The following WDFY4 variants were observed in gnomAD, a reference collection of about 807,000 sequenced individuals.
WDFY4 encodes the protein WDFY family member 4.
A neutral mutation model predicts 351.9 loss-of-function variants in WDFY4; 169 were observed. The ratio of observed to expected loss-of-function variants is 0.48; its 90% CI spans 0.42 to 0.55. The LOEUF is 0.55. Among genes scored for constraint, WDFY4 ranks in the 20% least tolerant of loss-of-function variants. The probability of loss-of-function intolerance (pLI) is 0.00; values close to 1 mark genes in which losing one functional copy is unlikely to be tolerated. For missense variants in WDFY4, 3,803 were observed against 3,935.6 expected (o/e 0.97, Z 0.90); for synonymous variants, 1,622 against 1,574.6 (o/e 1.03, Z -0.71).
rs2068652870 is a variant in WDFY4, at chr10:48,842,787, C to A, written c.6663+10078C>A. 3.3e-5 allele frequency among the ~76,000 whole-genome samples: 5 copies of A among 152,194 alleles called. No homozygotes were observed. In the South Asian group the frequency reaches 1.0e-3, roughly 32 times the overall value. On this transcript the variant is annotated intron_variant, in intron 39 of 61. Transcript: ENST00000325239. The stretch of plus-strand genomic sequence containing the variant: ...AATTATCAGTAGCTACAGTGACTTG[C>A]TTTGTCCATGGCTTGCTTGCCTATC...
chr10:48,979,107 G>A (rs551083824), intron 60 of WDFY4, among the ~76,000 whole-genome samples: 1 of 152,310 alleles, frequency 6.6e-6, no homozygotes, highest in African/African-American at 2.4e-5. Context: ...CTTCCTTCAA[G>A]ATAACACCTG....
chr10:48,919,730 T>A (rs2671700), intron 47 of WDFY4, among the ~76,000 whole-genome samples: 51,102 of 152,130 alleles, frequency 0.34, 9,092 homozygotes, highest in Non-Finnish European at 0.39. Context: ...ACCCTCAAGA[T>A]CTAATTTCCT....
intron 20 of WDFY4, among the ~76,000 whole-genome samples, chr10:48,787,519 G>A (rs1247391617): frequency 1.3e-5 from 2 of 152,214 alleles, no homozygotes; most frequent in Non-Finnish European, 2.9e-5. Context: ...TTCTCTACTA[G>A]CACATTGGGT....
At chr10:48,817,154 AG>A in intron 31 of WDFY4, 90 bp from the exon 32 acceptor site, 3 of 1,410,290 alleles carry the variant, frequency 2.1e-6, no homozygotes, top group Non-Finnish European at 2.9e-6. Context: ...AGTCTCAGGA[AG>A]GAATCTTCTC....
chr10:48,855,002 A>G (rs578020074), intron 39 of WDFY4, among the ~76,000 whole-genome samples: 1 of 152,354 alleles, frequency 6.6e-6, no homozygotes, highest in South Asian at 2.1e-4. Context: ...TGATTGTTTT[A>G]CTTTTAAATA....
At chr10:48,980,728 A>C (rs891229480) in intron 60 of WDFY4, among the ~76,000 whole-genome samples, 5 of 152,148 alleles carry the variant, frequency 3.3e-5, no homozygotes, top group Non-Finnish European at 5.9e-5. Flanking sequence ...TCAGGACAGC[A>C]GGGGCTGTAT....
intron 39 of WDFY4, among the ~76,000 whole-genome samples, chr10:48,838,577 C>A (rs1404811803): frequency 1.3e-5 from 2 of 152,094 alleles, no homozygotes; most frequent in Non-Finnish European, 2.9e-5. Flanking sequence ...AAAAAAAAAT[C>A]ATTGTGGAAA....
At chr10:48,720,258 A>G (rs2064037086) in intron 3 of WDFY4, 133 bp downstream of exon 3, 1 of 893,112 alleles carries the variant, frequency 1.1e-6, no homozygotes, top group Admixed American at 2.6e-5. Flanking sequence ...AGTAGGCCCC[A>G]CTCTGCCACT....
At position 48,810,698 on chromosome 10, in the gene WDFY4, G is replaced by C; in HGVS notation, c.5007G>C (p.Trp1669Cys). The change falls in exon 29 of 62, where the codon TGG becomes TGC. Residue 1669 changes from tryptophan (W) to cysteine (C), a missense_variant. Coordinates refer to ENST00000325239, the MANE Select transcript of WDFY4 (RefSeq NM_001394531.1). ...RFRDGLCAGSWVERSTEGVDI... is the reference protein window; with the variant it reads ...RFRDGLCAGSCVERSTEGVDI... ...GAGATGGCCTGTGTGCAGGATCCTG[G>C]GTGGAACGCAGCACTGAGGGCGTGG... is the stretch of plus-strand genomic sequence containing the variant. The C allele has an allele frequency of 1.3e-6, 2 of 1,549,396 alleles. No homozygotes were observed. The highest frequency in any genetic ancestry group is 1.2e-5 in the South Asian group (1 of 83,750).
chr10:48,860,968 A>C (rs2069319496), intron 39 of WDFY4, among the ~76,000 whole-genome samples: 1 of 152,122 alleles, frequency 6.6e-6, no homozygotes, highest in African/African-American at 2.4e-5. Flanking sequence ...GAGCAATTGA[A>C]AAGAATGTGT....
chr10:48,910,820 C>A (rs547126686), intron 47 of WDFY4: 1 of 708,570 alleles, frequency 1.4e-6, no homozygotes. Context: ...GAGGACCAAG[C>A]ATGGCAAGAA....
intron 13 of WDFY4, among the ~76,000 whole-genome samples, chr10:48,773,956 T>C (rs2065947012): frequency 6.6e-6 from 1 of 152,146 alleles, no homozygotes; most frequent in African/African-American, 2.4e-5. Context: ...GGGGGGGATG[T>C]TGGACCCCTG....
intron 1 of WDFY4, among the ~76,000 whole-genome samples, chr10:48,695,883 C>T (rs2063319140): frequency 6.6e-6 from 1 of 152,106 alleles, no homozygotes; most frequent in Non-Finnish European, 1.5e-5. Flanking sequence ...CCAGCCCCTT[C>T]CACAGGACAC....
chr10:48,946,132 G>A lies in WDFY4; in HGVS notation c.7842G>A (p.Arg2614=), dbSNP rs1841032746. ...TKERKLKFIQ[R]FKEVEKTEGD... ...AAAGGAAGCTGAAATTTATCCAGAG[G>A]TTTAAAGAAGTTGAGAAAACTGAAG... Residue 2614 remains arginine (R), a synonymous_variant, in exon 50 of 62, where the codon AGG becomes AGA. Coordinates refer to ENST00000325239, the MANE Select transcript of WDFY4 (RefSeq NM_001394531.1). The A allele has an allele frequency of 3.9e-6, 6 of 1,549,366 alleles. No individual in the cohort carries two copies. In the East Asian group the frequency reaches 1.2e-4, roughly 32 times the overall value.
chr10:48,946,042 A>G lies in WDFY4; in HGVS notation c.7752A>G (p.Thr2584=). 1.4e-5 allele frequency: 22 copies of G among 1,542,804 alleles called. No individual in the cohort carries two copies. The highest frequency in any genetic ancestry group is 1.9e-5 in the Non-Finnish European group (22 of 1,144,314). Residue 2584 remains threonine, a splice_region_variant and synonymous_variant, in exon 50 of 62, where the codon ACA becomes ACG. Transcript: ENST00000325239. ...PWVLADYTSE[T]LNLANPKIFR... is the part of the protein sequence containing the mutation. The stretch of plus-strand genomic sequence containing the variant: ...CCAGCTGCACATCTGCCTTCTAGAC[A>G]TTGAACTTGGCAAATCCGAAGATTT...
intron 4 of WDFY4, 137 bp downstream of exon 4, chr10:48,721,504 C>T: frequency 2.6e-6 from 2 of 778,282 alleles, no homozygotes; most frequent in South Asian, 3.4e-5. Context: ...CTCCCTCCTC[C>T]CCTTCTGGTG....
chr10:48,896,295 A>C (rs1476321534), intron 44 of WDFY4, among the ~76,000 whole-genome samples: 1 of 152,202 alleles, frequency 6.6e-6, no homozygotes, highest in Admixed American at 6.5e-5. Context: ...TGTCATCCCC[A>C]CCAGTACCTT....
chr10:48,886,582 T>G (rs2070464597), intron 43 of WDFY4, among the ~76,000 whole-genome samples: 1 of 152,204 alleles, frequency 6.6e-6, no homozygotes, highest in Non-Finnish European at 1.5e-5. Flanking sequence ...GCTTCCGCCC[T>G]TCCATCATGG....
chr10:48,767,696 A>G (rs145102513), intron 13 of WDFY4, among the ~76,000 whole-genome samples: 2 of 152,358 alleles, frequency 1.3e-5, no homozygotes, highest in Non-Finnish European at 2.9e-5. Flanking sequence ...AGCAGAGACA[A>G]TGAGGCCTGT....
Sources: allele counts gnomAD v4.1 joint callset (sites outside exome capture counted in the v4.1 genomes callset), GRCh38; gene constraint gnomAD v4.1.1; transcripts MANE v1.5; gene names NCBI Gene and HGNC (gene_info 2026-07-23, HGNC 2026-07-21).